Variants in VAV2 observed in about 807,000 individuals in gnomAD.
VAV2 encodes vav guanine nucleotide exchange factor 2, also known as guanine nucleotide exchange factor VAV2.
Under a neutral mutation model 132.5 loss-of-function variants are expected in VAV2, and 67 were observed. The ratio of observed to expected loss-of-function variants is 0.51; its 90% CI spans 0.42 to 0.62. VAV2 has a LOEUF of 0.62. VAV2 is among the 20% of genes least tolerant of loss of function. The pLI is 0.00. For missense variants in VAV2, 938 were observed against 1,153.6 expected, an observed-to-expected ratio of 0.81 and a Z score of 2.71; for synonymous variants, 492 against 443.5, an observed-to-expected ratio of 1.11 and a Z score of -1.37.
At chr9:133,959,548 C>T (rs1588173635) in intron 1 of VAV2, among the ~76,000 whole-genome samples, 1 of 152,306 alleles carries the variant, frequency 6.6e-6, no homozygotes. Flanking sequence ...CACCAAGCAC[C>T]CCGTGACCGT....
intron 3 of VAV2, among the ~76,000 whole-genome samples, chr9:133,843,952 C>A (rs916620467): frequency 6.6e-6 from 1 of 152,100 alleles, no homozygotes; most frequent in East Asian, 1.9e-4. Flanking sequence ...GCAGGTCCAG[C>A]GAGGTGGGGG....
At chr9:133,910,840 A>G (rs1205471606) in intron 2 of VAV2, among the ~76,000 whole-genome samples, 6 of 149,770 alleles carry the variant, frequency 4.0e-5, no homozygotes, top group South Asian at 2.1e-4. Flanking sequence ...AAAAAAAAGA[A>G]AAAGAAAAAG....
chr9:133,814,059 C>T (rs1322924117), intron 4 of VAV2, among the ~76,000 whole-genome samples: 5 of 152,152 alleles, frequency 3.3e-5, no homozygotes, highest in East Asian at 1.9e-4. Flanking sequence ...CTCAGCCGTG[C>T]GGGAGAACTG....
chr9:133,811,443 C>A (rs888781194), intron 5 of VAV2, among the ~76,000 whole-genome samples: 2 of 152,238 alleles, frequency 1.3e-5, no homozygotes, highest in African/African-American at 4.8e-5. Flanking sequence ...CCACGGTTGG[C>A]AAGTGGCATC....
At chr9:133,959,200 G>A (rs1468262131) in intron 1 of VAV2, among the ~76,000 whole-genome samples, 1 of 152,180 alleles carries the variant, frequency 6.6e-6, no homozygotes, top group South Asian at 2.1e-4. Flanking sequence ...TCAACCCCAG[G>A]CTGCAGGAGA....
intron 2 of VAV2, among the ~76,000 whole-genome samples, chr9:133,899,525 T>C (rs1396232692): frequency 6.6e-6 from 1 of 151,616 alleles, no homozygotes; most frequent in Non-Finnish European, 1.5e-5. Context: ...TCTCATGCCT[T>C]AGCCTCCCAA....
At chr9:133,983,512 A>G (rs1226522022) in intron 1 of VAV2, among the ~76,000 whole-genome samples, 1 of 152,086 alleles carries the variant, frequency 6.6e-6, no homozygotes, top group Admixed American at 6.5e-5. Context: ...CCCATCTCCA[A>G]GTCCCAAACC....
intron 16 of VAV2, 94 bp from the exon 17 acceptor site, chr9:133,785,979 C>G: frequency 8.8e-7 from 1 of 1,132,114 alleles, no homozygotes. Context: ...AGCATGTGCA[C>G]GTGTGTATAT....
chr9:133,767,481 G>A (rs1833474576), intron 29 of VAV2, among the ~76,000 whole-genome samples: 1 of 152,334 alleles, frequency 6.6e-6, no homozygotes, highest in East Asian at 1.9e-4. Flanking sequence ...ATCTGGGAAA[G>A]AGCCCAGGTA....
At chr9:133,989,519 CAAA>C (rs766612017) in intron 1 of VAV2, among the ~76,000 whole-genome samples, 3 of 75,790 alleles carry the variant, frequency 4.0e-5, no homozygotes, top group Admixed American at 3.2e-4. Context: ...GACTCTATCT[CAAA>C]AAAAAAAAAA....
chr9:133,825,824 G>A (rs1052244240), intron 4 of VAV2, among the ~76,000 whole-genome samples: 1 of 152,098 alleles, frequency 6.6e-6, no homozygotes, highest in Admixed American at 6.5e-5. Flanking sequence ...CCAGGTCGCC[G>A]CCAGCAGGCA....
chr9:133,813,712 A>G (rs1835446505), intron 4 of VAV2, among the ~76,000 whole-genome samples: 1 of 152,218 alleles, frequency 6.6e-6, no homozygotes, highest in Non-Finnish European at 1.5e-5. Flanking sequence ...GCACCACTAC[A>G]GTCGTGAGTG....
intron 9 of VAV2, among the ~76,000 whole-genome samples, chr9:133,800,944 G>A (rs766480300): frequency 2.6e-5 from 4 of 152,228 alleles, no homozygotes; most frequent in Non-Finnish European, 4.4e-5. Flanking sequence ...GGAAAAGCAA[G>A]GAGATAGGTC....
At chr9:133,798,642 G>C (rs902332935) in intron 9 of VAV2, among the ~76,000 whole-genome samples, 1 of 152,158 alleles carries the variant, frequency 6.6e-6, no homozygotes, top group African/African-American at 2.4e-5. Flanking sequence ...CCCACCGACA[G>C]GGCAGTCCCA....
chr9:133,947,050 CCTCTGA>C (rs1398612593), intron 1 of VAV2, among the ~76,000 whole-genome samples: 1 of 152,108 alleles, frequency 6.6e-6, no homozygotes, highest in Non-Finnish European at 1.5e-5. Context: ...TCTTAGGTGT[CCTCTGA>C]CTGCTGACAC....
chr9:133,963,270 G>A (rs945337983), intron 1 of VAV2, among the ~76,000 whole-genome samples: 2 of 152,132 alleles, frequency 1.3e-5, no homozygotes, highest in African/African-American at 4.8e-5. Flanking sequence ...GGAGCCCTCA[G>A]CAGAGTCAGC....
chr9:133,897,316 C>T (rs928523095), intron 2 of VAV2, among the ~76,000 whole-genome samples: 9 of 152,176 alleles, frequency 5.9e-5, no homozygotes, highest in Admixed American at 2.6e-4. Context: ...CTCAGCCTCT[C>T]ACTGGGTCAG....
chr9:133,827,215 AGCT>A (rs1836032568), intron 4 of VAV2, among the ~76,000 whole-genome samples: 1 of 129,530 alleles, frequency 7.7e-6, no homozygotes, highest in African/African-American at 2.8e-5. Flanking sequence ...GGGCATCGCC[AGCT>A]ACTGCTGTGC....
chr9:133,874,616 C>A (rs1056553049), intron 2 of VAV2, among the ~76,000 whole-genome samples: 4 of 152,164 alleles, frequency 2.6e-5, no homozygotes, highest in African/African-American at 7.2e-5. Flanking sequence ...GGGAACAGCA[C>A]CTCAAGGGCA....
Sources: gnomAD v4.1 joint callset for allele counts (sites outside exome capture counted in the v4.1 genomes callset) on GRCh38, gnomAD v4.1.1 for gene constraint, MANE v1.5 for transcripts, NCBI Gene and HGNC (gene_info 2026-07-23, HGNC 2026-07-21) for gene names.